ANKRD27: variants seen among roughly 807,000 people sequenced by gnomAD.
The protein encoded by ANKRD27 is ankyrin repeat domain 27.
In ANKRD27, 112 loss-of-function variants were observed where a neutral mutation model predicts 129.7. That is an observed-to-expected ratio of 0.86 (90% CI 0.74 to 1.01). The LOEUF is 1.01. ANKRD27 is among the 50% of genes least tolerant of loss of function. The probability of loss-of-function intolerance (pLI) is 0.00; values close to 1 mark genes in which losing one functional copy is unlikely to be tolerated. For missense variants in ANKRD27, 1,258 were observed against 1,300.5 expected, an observed-to-expected ratio of 0.97 and a Z score of 0.50; for synonymous variants, 516 against 511.2, an observed-to-expected ratio of 1.01 and a Z score of -0.13.
At chr19:32,640,261 C>A (rs772631243) in intron 11 of ANKRD27, 46 bp downstream of exon 11, 2 of 1,546,648 alleles carry the variant, frequency 1.3e-6, no homozygotes. Flanking sequence ...CCGTGCCCGG[C>A]CAAGCACTGC....
intron 2 of ANKRD27, among the ~76,000 whole-genome samples, chr19:32,656,096 AAAG>A (rs1967522641): frequency 5.8e-5 from 7 of 121,680 alleles, no homozygotes; most frequent in East Asian, 7.8e-4. Context: ...AGAAAGAAAG[AAAG>A]AAAGAAAGAA....
intron 12 of ANKRD27, among the ~76,000 whole-genome samples, chr19:32,633,347 T>G (rs1967033676): frequency 6.6e-6 from 1 of 150,588 alleles, no homozygotes; most frequent in Admixed American, 6.6e-5. Flanking sequence ...TTTTTTTTTT[T>G]TTTGAGACGG....
intron 5 of ANKRD27, 34 bp from the exon 6 acceptor site, chr19:32,643,665 T>C (rs1017574484): frequency 9.3e-6 from 15 of 1,611,736 alleles, no homozygotes; most frequent in Non-Finnish European, 1.3e-5. Context: ...CAGGCCACCC[T>C]TACCAGCAAG....
chr19:32,646,713 C>T, intron 3 of ANKRD27, 98 bp from the exon 4 acceptor site: 2 of 1,325,974 alleles, frequency 1.5e-6, no homozygotes, highest in Non-Finnish European at 2.1e-6. Flanking sequence ...ACCCTACGGC[C>T]TTCACCCCAT....
intron 12 of ANKRD27, among the ~76,000 whole-genome samples, chr19:32,634,517 G>A (rs938573046): frequency 6.6e-6 from 1 of 152,192 alleles, no homozygotes; most frequent in African/African-American, 2.4e-5. Context: ...GGTGCCTTGG[G>A]CTGTGACCCT....
intron 20 of ANKRD27, among the ~76,000 whole-genome samples, chr19:32,618,451 G>GAA (rs55674756): frequency 1.0e-5 from 1 of 100,320 alleles, no homozygotes; most frequent in Non-Finnish European, 1.9e-5. Context: ...GTCCCAAAAA[G>GAA]AAAAAAAAAA....
intron 23 of ANKRD27, among the ~76,000 whole-genome samples, chr19:32,607,021 CTAGG>C (rs952424966): frequency 2.8e-5 from 4 of 140,450 alleles, no homozygotes; most frequent in African/African-American, 1.1e-4. Flanking sequence ...GTCCCAGCTA[CTAGG>C]GAGGGAGGCT....
chr19:32,629,700 A>C (rs978681665), intron 13 of ANKRD27, among the ~76,000 whole-genome samples: 2 of 152,124 alleles, frequency 1.3e-5, no homozygotes, highest in African/African-American at 2.4e-5. Flanking sequence ...ACTCTGTCAC[A>C]AAAAATAAAA....
intron 3 of ANKRD27, 92 bp downstream of exon 3, chr19:32,649,590 G>T (rs1967371863): frequency 1.2e-6 from 1 of 869,394 alleles, no homozygotes; most frequent in Non-Finnish European, 1.9e-6. Context: ...ATTGCCAGTA[G>T]CTGTGAAAGG....
At chr19:32,646,349 G>T in intron 4 of ANKRD27, 110 bp downstream of exon 4, 2 of 1,121,784 alleles carry the variant, frequency 1.8e-6, no homozygotes, top group Non-Finnish European at 2.5e-6. Flanking sequence ...GATTACAGGC[G>T]CGAGCCACCA....
rs913265707 is a variant in ANKRD27, at chr19:32,611,161, A to T, written c.2176-3329T>A. Among the ~76,000 whole-genome samples, 5 of 152,158 alleles carry T rather than the reference A, an allele frequency of 3.3e-5. No individual in the cohort carries two copies. In the East Asian group the frequency reaches 9.6e-4, roughly 29 times the overall value. ...GGGAACCTAAGACTTCACCCAATTGAGTTCCACAGTATTTTACTGTGTAAT... is the reference window on the plus strand; with the variant it reads ...GGGAACCTAAGACTTCACCCAATTGTGTTCCACAGTATTTTACTGTGTAAT... On this transcript the variant is annotated intron_variant, in intron 22 of 28. Transcript: ENST00000306065.
At chr19:32,674,253 C>T (rs1425751082) in intron 1 of ANKRD27, among the ~76,000 whole-genome samples, 1 of 152,166 alleles carries the variant, frequency 6.6e-6, no homozygotes. Context: ...AAAATAGGGG[C>T]CTCTATCCAT....
chr19:32,611,826 C>G (rs535341853), intron 22 of ANKRD27, among the ~76,000 whole-genome samples: 1 of 152,236 alleles, frequency 6.6e-6, no homozygotes, highest in African/African-American at 2.4e-5. Flanking sequence ...GGTGATCTAC[C>G]CGCCTCGGCC....
Position 32,601,995 on chromosome 19 carries a change from G to C in ANKRD27, c.2767+20C>G, listed in dbSNP as rs780418016. On this transcript the variant is annotated intron_variant, in intron 26 of 28. Coordinates refer to ENST00000306065, the MANE Select transcript of ANKRD27 (RefSeq NM_032139.3). Reference sequence around the variant, plus strand: ...AAATATACCCAACTTGAGCGTGACAGAAAGAACGTAAACTCTTACATTTTT... The same window carrying C: ...AAATATACCCAACTTGAGCGTGACACAAAGAACGTAAACTCTTACATTTTT... 23 of 1,523,776 alleles carry C rather than the reference G, an allele frequency of 1.5e-5. No individual in the cohort carries two copies. The highest frequency in any genetic ancestry group is 1.9e-5 in the Non-Finnish European group (21 of 1,102,746). 94.4% of individuals were successfully genotyped at this position (1,523,776 alleles called of 1,614,324 possible).
At chr19:32,658,580 T>G (rs2145317944) in intron 2 of ANKRD27, among the ~76,000 whole-genome samples, 1 of 152,292 alleles carries the variant, frequency 6.6e-6, no homozygotes, top group African/African-American at 2.4e-5. Flanking sequence ...ACAACTCATT[T>G]TAGCCCTGGA....
rs115458177 is a variant in ANKRD27 at position 32,675,129 on chromosome 19, G to C, written c.-89C>G. Reference sequence around the variant, plus strand: ...CCTGGGCGACGGCGGCACCTCCCTCGTCCGCTGCTGGGACCTCGATGCCCA... The same window carrying C: ...CCTGGGCGACGGCGGCACCTCCCTCCTCCGCTGCTGGGACCTCGATGCCCA... On this transcript the variant is annotated 5_prime_UTR_variant, in exon 1 of 29. Coordinates refer to ENST00000306065, the MANE Select transcript of ANKRD27 (RefSeq NM_032139.3). The C allele has an allele frequency of 0.051, 7,780 of 152,416 alleles. 280 individuals carry two copies. Among genetic ancestry groups the C allele is most frequent in the African/African-American group, 0.092 (3,802 of 41,522 alleles). 9.4% of individuals were successfully genotyped at this position (152,416 alleles called of 1,614,324 possible).
intron 3 of ANKRD27, 141 bp downstream of exon 3, chr19:32,649,541 C>T: frequency 1.5e-6 from 1 of 660,214 alleles, no homozygotes; most frequent in Non-Finnish European, 2.7e-6. Context: ...AGGGTCCCTC[C>T]AGCCCCCCAC....
At position 32,629,082 on chromosome 19, in the gene ANKRD27, G is replaced by A. The variant is rs1966943716; in HGVS notation, c.1210-233C>T. 2.0e-5 allele frequency among the ~76,000 whole-genome samples: 3 copies of A among 152,194 alleles called. No homozygotes were observed. The South Asian group carries it at 6.2e-4, about 32-fold the overall frequency. On this transcript the variant is annotated intron_variant, in intron 13 of 28. Coordinates refer to ENST00000306065, the MANE Select transcript of ANKRD27 (RefSeq NM_032139.3). The stretch of plus-strand genomic sequence containing the variant: ...ATTAGAGGCATCTGCCACCACACCT[G>A]GCTAATTTTTATATTTTTAGTAGAC...
At chr19:32,626,576 G>A (rs996485715) in intron 16 of ANKRD27, 136 bp downstream of exon 16, 1 of 620,886 alleles carries the variant, frequency 1.6e-6, no homozygotes, top group Non-Finnish European at 2.7e-6. Flanking sequence ...TGCTGCAGCA[G>A]AGCTGGTGTG....
Sources: gnomAD v4.1 joint callset for allele counts (sites outside exome capture counted in the v4.1 genomes callset) on GRCh38, gnomAD v4.1.1 for gene constraint, MANE v1.5 for transcripts, NCBI Gene and HGNC (gene_info 2026-07-23, HGNC 2026-07-21) for gene names.